The following ARL15 variants were observed in gnomAD, a reference collection of about 807,000 sequenced individuals.
ARL15 encodes the protein ARF like GTPase 15.
A neutral mutation model predicts 25.2 loss-of-function variants in ARL15; 19 were observed. That is an observed-to-expected ratio of 0.75 (90% CI 0.53 to 1.10). The LOEUF is 1.10. ARL15 is among the 50% of genes least tolerant of loss of function. The pLI is 0.00. For synonymous variants in ARL15, 94 were observed against 86.8 expected (o/e 1.08, Z -0.46); for missense variants, 220 against 246.0 (o/e 0.89, Z 0.71).
Position 53,933,957 on chromosome 5 carries a change from A to C in ARL15, c.463-47244T>G, listed in dbSNP as rs77431264. ...CAGAATCCCTTAAGCTCTAACTCAA[A>C]ATCAGTCACTATTGGTAAAATAATT... On this transcript the variant is annotated intron_variant, in intron 4 of 4. Coordinates refer to ENST00000504924, the MANE Select transcript of ARL15 (RefSeq NM_019087.3). Among the ~76,000 whole-genome samples the C allele has an allele frequency of 2.1e-4, 32 of 152,298 alleles. No individual in the cohort carries two copies. In the East Asian group the frequency reaches 6.2e-3, roughly 29 times the overall value.
chr5:54,272,315 G>A (rs10062081), intron 1 of ARL15, among the ~76,000 whole-genome samples: 4,943 of 151,894 alleles, frequency 0.033, 159 homozygotes, highest in African/African-American at 0.083. Context: ...ATCCTTGGCA[G>A]TGACTGCGTT....
At chr5:53,918,135 T>C (rs959083595) in intron 4 of ARL15, among the ~76,000 whole-genome samples, 1 of 151,828 alleles carries the variant, frequency 6.6e-6, no homozygotes, top group African/African-American at 2.4e-5. Context: ...TGCAGAGAGG[T>C]TGTCGAGAGA....
At chr5:53,975,093 T>C (rs1409360474) in intron 4 of ARL15, among the ~76,000 whole-genome samples, 1 of 152,208 alleles carries the variant, frequency 6.6e-6, no homozygotes, top group Non-Finnish European at 1.5e-5. Context: ...CAACATCCTC[T>C]ACTCCAGCCT....
intron 1 of ARL15, among the ~76,000 whole-genome samples, chr5:54,289,352 G>A (rs1276378163): frequency 6.7e-6 from 1 of 148,392 alleles, no homozygotes; most frequent in Admixed American, 6.7e-5. Context: ...ATGGTGACAA[G>A]TCCTATGAAG....
chr5:54,305,110 A>T (rs183902144), intron 1 of ARL15, among the ~76,000 whole-genome samples: 107 of 152,350 alleles, frequency 7.0e-4, no homozygotes, highest in East Asian at 1.9e-3. Context: ...TTATGATGGC[A>T]GATACAGCCT....
intron 4 of ARL15, among the ~76,000 whole-genome samples, chr5:54,020,712 G>C (rs186577592): frequency 6.6e-6 from 1 of 152,100 alleles, no homozygotes; most frequent in Non-Finnish European, 1.5e-5. Flanking sequence ...CCAGCACTTT[G>C]GGAGGCTCAG....
At chr5:54,043,846 TAAA>T (rs34949977) in intron 4 of ARL15, among the ~76,000 whole-genome samples, 7 of 143,040 alleles carry the variant, frequency 4.9e-5, no homozygotes, top group Admixed American at 1.4e-4. Flanking sequence ...CCCCATCTCT[TAAA>T]AAAAAAAAAA....
At chr5:54,000,099 C>G (rs536128372) in intron 4 of ARL15, among the ~76,000 whole-genome samples, 2 of 152,098 alleles carry the variant, frequency 1.3e-5, no homozygotes, top group Admixed American at 1.3e-4. Context: ...AAAAGAAAAG[C>G]TACACTGCAG....
chr5:54,048,292 A>T (rs1389798161), intron 4 of ARL15: 3 of 151,958 alleles, frequency 2.0e-5, no homozygotes, highest in Admixed American at 1.3e-4. Context: ...CTATTGGTGC[A>T]TGCCACCTCA....
intron 4 of ARL15, 69 bp from the exon 5 acceptor site, chr5:53,886,782 G>C: frequency 3.5e-6 from 5 of 1,410,750 alleles, no homozygotes; most frequent in Non-Finnish European, 4.8e-6. Flanking sequence ...TCAAAATTCT[G>C]AGGGATAAAG....
intron 1 of ARL15, among the ~76,000 whole-genome samples, chr5:54,245,021 C>T (rs185076623): frequency 5.3e-4 from 80 of 152,124 alleles, no homozygotes; most frequent in East Asian, 2.1e-3. Context: ...ATCAATTCAG[C>T]GGGAGAGGAA....
intron 1 of ARL15, among the ~76,000 whole-genome samples, chr5:54,197,778 C>A (rs548892731): frequency 1.3e-5 from 2 of 152,210 alleles, no homozygotes; most frequent in African/African-American, 4.8e-5. Context: ...AAGAGGGAAT[C>A]CTCCCTAACT....
At chr5:53,907,488 A>ATATATATATTTT (rs1360900279) in intron 4 of ARL15, among the ~76,000 whole-genome samples, 1 of 18,012 alleles carries the variant, frequency 5.6e-5, no homozygotes, top group African/African-American at 2.9e-4. Flanking sequence ...ATATATATAT[A>ATATATATATTTT]TTTTTTTTTT....
At chr5:54,134,363 T>C (rs1753531491) in intron 3 of ARL15, among the ~76,000 whole-genome samples, 1 of 152,078 alleles carries the variant, frequency 6.6e-6, no homozygotes, top group African/African-American at 2.4e-5. Context: ...GGTAGCTTTG[T>C]AGCTGATTTA....
intron 1 of ARL15, among the ~76,000 whole-genome samples, chr5:54,280,664 T>A (rs555228054): frequency 6.6e-6 from 1 of 152,342 alleles, no homozygotes; most frequent in African/African-American, 2.4e-5. Flanking sequence ...TTAAACAAAT[T>A]CCTTAAGCAT....
chr5:54,289,944 C>A (rs1053775502), intron 1 of ARL15, among the ~76,000 whole-genome samples: 2 of 152,172 alleles, frequency 1.3e-5, no homozygotes, highest in Admixed American at 1.3e-4. Flanking sequence ...CACCAGGAAG[C>A]CCCAGGGGCT....
Position 54,206,048 on chromosome 5 carries a change from G to A in ARL15, c.49-34120C>T, listed in dbSNP as rs557554033. On this transcript the variant is annotated intron_variant, in intron 1 of 4. Coordinates refer to ENST00000504924, the MANE Select transcript of ARL15 (RefSeq NM_019087.3). ...TGGCTAATCTAGATTAATGATACCA[G>A]ATTAAGAGAACTGGACAGGAAAAAC... Among the ~76,000 whole-genome samples, 6 of 152,188 alleles carry A rather than the reference G, an allele frequency of 3.9e-5. No homozygotes were observed. In the South Asian group the frequency reaches 1.2e-3, roughly 32 times the overall value.
At chr5:54,034,999 TAA>T (rs934236606) in intron 4 of ARL15, among the ~76,000 whole-genome samples, 3 of 151,974 alleles carry the variant, frequency 2.0e-5, no homozygotes, top group Non-Finnish European at 4.4e-5. Flanking sequence ...TGACTTAATC[TAA>T]AATATTAAAA....
chr5:54,225,717 A>G (rs1244421975), intron 1 of ARL15, among the ~76,000 whole-genome samples: 1 of 152,090 alleles, frequency 6.6e-6, no homozygotes, highest in Non-Finnish European at 1.5e-5. Context: ...AGCTGACAAG[A>G]GGGTGCCCAA....
Sources: allele counts gnomAD v4.1 joint callset (sites outside exome capture counted in the v4.1 genomes callset), GRCh38; gene constraint gnomAD v4.1.1; transcripts MANE v1.5; gene names NCBI Gene and HGNC (gene_info 2026-07-23, HGNC 2026-07-21).